CDH7: variants seen among roughly 807,000 people sequenced by gnomAD.
CDH7 encodes the protein cadherin 7.
Under a neutral mutation model 71.8 loss-of-function variants are expected in CDH7, and 25 were observed. That is an observed-to-expected ratio of 0.35 (90% confidence interval 0.25 to 0.49). The LOEUF (loss-of-function observed/expected upper bound fraction) is 0.49. Ranked by LOEUF, CDH7 falls within the 20% of genes least tolerant of loss-of-function variation. CDH7 has a pLI of 0.99. For missense variants in CDH7, 862 were observed against 974.6 expected (o/e 0.88, Z 1.54); for synonymous variants, 381 against 363.8 (o/e 1.05, Z -0.54).
At chr18:65,850,507 G>A (rs958569892) in intron 7 of CDH7, among the ~76,000 whole-genome samples, 1 of 151,704 alleles carries the variant, frequency 6.6e-6, no homozygotes, top group Non-Finnish European at 1.5e-5. Flanking sequence ...TCTTCAGAAC[G>A]TGGCAACTGT....
chr18:65,752,852 CA>C (rs933063505), intron 1 of CDH7, among the ~76,000 whole-genome samples: 3 of 152,150 alleles, frequency 2.0e-5, no homozygotes, highest in African/African-American at 7.2e-5. Context: ...TTAAGGTTTG[CA>C]GCTTTAATAA....
chr18:65,837,698 A>C (rs752625007), intron 6 of CDH7, among the ~76,000 whole-genome samples: 1 of 152,202 alleles, frequency 6.6e-6, no homozygotes, highest in African/African-American at 2.4e-5. Context: ...AATTTACTCA[A>C]GCTAAAAGAA....
intron 11 of CDH7, among the ~76,000 whole-genome samples, chr18:65,864,894 A>T (rs1465422664): frequency 1.4e-5 from 2 of 145,054 alleles, no homozygotes; most frequent in East Asian, 2.1e-4. Context: ...CCATCTAAAA[A>T]AAAAAAAAAA....
chr18:65,776,083 A>G (rs1461858573), intron 2 of CDH7, among the ~76,000 whole-genome samples: 2 of 152,184 alleles, frequency 1.3e-5, no homozygotes, highest in Non-Finnish European at 2.9e-5. Flanking sequence ...CCCTTTTGGT[A>G]ACTGTTTTTG....
intron 6 of CDH7, among the ~76,000 whole-genome samples, chr18:65,826,044 T>G (rs1419340381): frequency 6.6e-6 from 1 of 151,540 alleles, no homozygotes; most frequent in East Asian, 1.9e-4. Context: ...AGCATGAATC[T>G]TTGAAAATTC....
chr18:65,759,237 C>CTT (rs567835037), intron 1 of CDH7, among the ~76,000 whole-genome samples: 4 of 142,918 alleles, frequency 2.8e-5, no homozygotes, highest in Non-Finnish European at 3.1e-5. Flanking sequence ...TGCCCATTAT[C>CTT]TTTTTTTTTT....
chr18:65,885,612 CG>C lies in CDH7; in HGVS notation c.*4719del, dbSNP rs1471795026. 1 of 151,434 alleles carries C rather than the reference CG, an allele frequency of 6.6e-6. No individual in the cohort carries two copies. Among genetic ancestry groups the C allele is most frequent in the Non-Finnish European group, 1.5e-5 (1 of 67,934 alleles). 9.4% of individuals were successfully genotyped at this position (151,434 alleles called of 1,614,324 possible). Reference sequence around the variant, plus strand: ...CGATCTCCTGACCTCGTGATTCGCCCGCCTCGGCCTCCCAAAGTGCTGGGAT... The same window carrying C: ...CGATCTCCTGACCTCGTGATTCGCCCCCTCGGCCTCCCAAAGTGCTGGGAT... On this transcript the variant is annotated 3_prime_UTR_variant, in exon 12 of 12. Transcript: ENST00000397968.
chr18:65,788,035 T>A (rs1910576545), intron 2 of CDH7, among the ~76,000 whole-genome samples: 1 of 152,148 alleles, frequency 6.6e-6, no homozygotes, highest in African/African-American at 2.4e-5. Flanking sequence ...AAAAAACATA[T>A]ATTAACTCTA....
At chr18:65,853,679 G>C (rs1414784123) in intron 7 of CDH7, among the ~76,000 whole-genome samples, 1 of 151,670 alleles carries the variant, frequency 6.6e-6, no homozygotes, top group Admixed American at 6.6e-5. Context: ...CTTTGACAAA[G>C]TGTCCCATCT....
At chr18:65,846,154 C>T (rs959114884) in intron 7 of CDH7, among the ~76,000 whole-genome samples, 2 of 151,564 alleles carry the variant, frequency 1.3e-5, no homozygotes, top group South Asian at 2.1e-4. Flanking sequence ...AATAGTTGGC[C>T]CAAATGGGAG....
At chr18:65,840,834 A>G (rs1599042675) in intron 6 of CDH7, among the ~76,000 whole-genome samples, 1 of 152,256 alleles carries the variant, frequency 6.6e-6, no homozygotes, top group East Asian at 1.9e-4. Flanking sequence ...AAACATCGAG[A>G]TAATTTATTT....
At chr18:65,781,194 T>C (rs1311847661) in intron 2 of CDH7, among the ~76,000 whole-genome samples, 2 of 152,174 alleles carry the variant, frequency 1.3e-5, no homozygotes, top group Non-Finnish European at 2.9e-5. Flanking sequence ...ATTGCCAGTT[T>C]ATCAGAGAAC....
In CDH7 at chr18:65,781,754, C is replaced by A. The variant is rs185455133; in HGVS notation, c.210+18702C>A. Among the ~76,000 whole-genome samples the A allele has an allele frequency of 6.4e-4, 20 of 31,420 alleles. No individual in the cohort carries two copies. In the South Asian group the frequency reaches 8.0e-3, roughly 13 times the overall value. 20.6% of individuals were successfully genotyped at this position (31,420 alleles called of 152,430 possible). A position where few individuals can be genotyped will look rare whatever the true frequency, so the allele number is the denominator to read the frequency against. ...TTCTAGCTACCCTATTGGTTGATTT[C>A]TTTCTTTCTTTCTTTCCTTCCTTCC... On this transcript the variant is annotated intron_variant, in intron 2 of 11. Transcript: ENST00000397968.
chr18:65,876,469 C>T (rs1032214997), intron 11 of CDH7, among the ~76,000 whole-genome samples: 17 of 152,110 alleles, frequency 1.1e-4, no homozygotes, highest in African/African-American at 4.1e-4. Flanking sequence ...CTGACTCGTG[C>T]CTACAGCTCC....
At chr18:65,791,276 GCT>G (rs1910704216) in intron 2 of CDH7, among the ~76,000 whole-genome samples, 1 of 152,152 alleles carries the variant, frequency 6.6e-6, no homozygotes, top group Non-Finnish European at 1.5e-5. Flanking sequence ...TAATCGGTCA[GCT>G]CTTTGTGTAT....
chr18:65,854,239 G>A (rs1913266312), intron 7 of CDH7, among the ~76,000 whole-genome samples: 1 of 151,858 alleles, frequency 6.6e-6, no homozygotes, highest in Admixed American at 6.6e-5. Context: ...CTGAGAGGTT[G>A]AGGCTGTAGT....
intron 2 of CDH7, among the ~76,000 whole-genome samples, chr18:65,781,819 C>CTTCCTTCCTTCTTTCTTTCT (rs1491280674): frequency 2.3e-5 from 1 of 43,924 alleles, no homozygotes; most frequent in Non-Finnish European, 4.2e-5. Context: ...TCCTTCCTTC[C>CTTCCTTCCTTCTTTCTTTCT]TTCTTTCTTT....
intron 5 of CDH7, among the ~76,000 whole-genome samples, chr18:65,822,945 C>T (rs944973269): frequency 6.6e-6 from 1 of 151,700 alleles, no homozygotes; most frequent in Non-Finnish European, 1.5e-5. Flanking sequence ...TTTTAGTTCC[C>T]TTTTTTTCCC....
At chr18:65,791,165 C>T (rs555137249) in intron 2 of CDH7, among the ~76,000 whole-genome samples, 3 of 152,226 alleles carry the variant, frequency 2.0e-5, no homozygotes, top group South Asian at 4.2e-4. Context: ...GTCTTTTAGT[C>T]TTTGGTTAGC....
Sources: gnomAD v4.1 joint callset for allele counts (sites outside exome capture counted in the v4.1 genomes callset) on GRCh38, gnomAD v4.1.1 for gene constraint, MANE v1.5 for transcripts, NCBI Gene and HGNC (gene_info 2026-07-23, HGNC 2026-07-21) for gene names.